The following ZNF264 variants were observed in gnomAD, a reference collection of about 807,000 sequenced individuals.
ZNF264 encodes zinc finger protein 264.
A neutral mutation model predicts 11.2 loss-of-function variants in ZNF264; 11 were observed. That is an observed-to-expected ratio of 0.98 (90% CI 0.62 to 1.63). The LOEUF is 1.63. Among genes scored for constraint, ZNF264 ranks in the 40% most tolerant of loss-of-function variants. The probability of loss-of-function intolerance (pLI) is 0.00; values close to 1 mark genes in which losing one functional copy is unlikely to be tolerated. For missense variants in ZNF264, 752 were observed against 768.1 expected (o/e 0.98, Z 0.25); for synonymous variants, 309 against 279.8 (o/e 1.10, Z -1.04).
intron 3 of ZNF264, among the ~76,000 whole-genome samples, chr19:57,209,179 C>G (rs2087315801): frequency 1.3e-5 from 2 of 152,114 alleles, no homozygotes; most frequent in South Asian, 4.2e-4. Context: ...TGTAGTCTAA[C>G]TTATGACTTT....
rs761078732 is a variant in ZNF264, at chr19:57,211,983, T to G, written c.886T>G (p.Phe296Val). 1 of 1,614,036 alleles carries G rather than the reference T, an allele frequency of 6.2e-7. No individual in the cohort carries two copies. Among genetic ancestry groups the G allele is most frequent in the Non-Finnish European group, 8.5e-7 (1 of 1,180,014 alleles). ...CAAGTGCAATGAATGCGGAAAGGCC[T>G]TCACCCACCGCTCCAATTTTGTCTT... ...PYKCNECGKA[F>V]THRSNFVLHN... is the part of the protein sequence containing the mutation. Residue 296 changes from phenylalanine (F) to valine (V), a missense_variant, in exon 4 of 4, where the codon TTC (phenylalanine) becomes GTC (valine). Physicochemically the swap from Phe to Val is conservative, Grantham distance 50. Coordinates refer to ENST00000263095, the MANE Select transcript of ZNF264 (RefSeq NM_003417.5).
Position 57,221,944 on chromosome 19 carries a change from A to G in ZNF264, c.*8963A>G, listed in dbSNP as rs1479195221. Reference sequence around the variant, plus strand: ...CAGTCTCCAACCTGCTGTTTTATACAGTGACTTAAGTGGTACTAAAATGCT... The same window carrying G: ...CAGTCTCCAACCTGCTGTTTTATACGGTGACTTAAGTGGTACTAAAATGCT... On this transcript the variant is annotated 3_prime_UTR_variant, in exon 4 of 4. Coordinates refer to ENST00000263095, the MANE Select transcript of ZNF264 (RefSeq NM_003417.5). 1 of 152,204 alleles carries G rather than the reference A, an allele frequency of 6.6e-6. No homozygotes were observed. The highest frequency in any genetic ancestry group is 2.4e-5 in the African/African-American group (1 of 41,448). 9.4% of individuals were successfully genotyped at this position (152,204 alleles called of 1,614,324 possible). A position where few individuals can be genotyped will look rare whatever the true frequency, so the allele number is the denominator to read the frequency against.
In ZNF264 at chr19:57,218,669, C is replaced by T. The variant is rs2087396966; in HGVS notation, c.*5688C>T. 6.6e-6 allele frequency: 1 copy of T among 152,054 alleles called. No homozygotes were observed. 9.4% of individuals were successfully genotyped at this position (152,054 alleles called of 1,614,324 possible). A position where few individuals can be genotyped will look rare whatever the true frequency, so the allele number is the denominator to read the frequency against. ...CTCTCATCTTTTTTCTTTTTCCAGT[C>T]TATTTTCTGTCTTGTTAATATTGAT... is the stretch of plus-strand genomic sequence containing the variant. On this transcript the variant is annotated 3_prime_UTR_variant, in exon 4 of 4. Transcript: ENST00000263095.
At position 57,205,507 on chromosome 19, in the gene ZNF264, C is replaced by G. The variant is rs200612119; in HGVS notation, c.256+15C>G. 374 of 1,597,742 alleles carry G rather than the reference C, an allele frequency of 2.3e-4. 1 individual carries two copies. In the African/African-American group the frequency reaches 4.0e-3, roughly 17 times the overall value. ...CACCTGTCCAGGTAGGAGCCAAGAT[C>G]TGGGCAGGTTGGAGTCCCTTCTGGC... On this transcript the variant is annotated intron_variant, in intron 3 of 3. Coordinates refer to ENST00000263095, the MANE Select transcript of ZNF264 (RefSeq NM_003417.5).
In ZNF264 at chr19:57,212,864, T is replaced by C. The variant is rs554438336; in HGVS notation, c.1767T>C (p.Leu589=). 5 of 1,614,162 alleles carry C rather than the reference T, an allele frequency of 3.1e-6. No homozygotes were observed. In the East Asian group the frequency reaches 1.1e-4, roughly 36 times the overall value. Reference sequence around the variant, plus strand: ...CCTCAGTTACCCTTCGAGAACTTCTTTTAGGGAAGGACTTTTTGAATGTAA... The same window carrying C: ...CCTCAGTTACCCTTCGAGAACTTCTCTTAGGGAAGGACTTTTTGAATGTAA... ...GQTSVTLREL[L]LGKDFLNVTT... The change falls in exon 4 of 4, where the codon CTT becomes CTC. Residue 589 remains leucine (L), a synonymous_variant. Transcript: ENST00000263095.
chr19:57,218,327 T>G lies in ZNF264; in HGVS notation c.*5346T>G, dbSNP rs1402442278. ...TTATTGTTTAATATAAGAAACCTAC[T>G]AGCATTCAAATAATCATTCCCTATT... On this transcript the variant is annotated 3_prime_UTR_variant, in exon 4 of 4. Coordinates refer to ENST00000263095, the MANE Select transcript of ZNF264 (RefSeq NM_003417.5). The G allele has an allele frequency of 6.6e-6, 1 of 152,206 alleles. No individual in the cohort carries two copies. Among genetic ancestry groups the G allele is most frequent in the Non-Finnish European group, 1.5e-5 (1 of 68,042 alleles). 9.4% of individuals were successfully genotyped at this position (152,206 alleles called of 1,614,324 possible). A position where few individuals can be genotyped will look rare whatever the true frequency, so the allele number is the denominator to read the frequency against.
rs1007792477 is a variant in ZNF264 at position 57,213,931 on chromosome 19, T to A, written c.*950T>A. ...TTCAGCGTATAGATCCCTATGCATTTTTGTTAGAATTTGCATCCTAGGGTG... is the reference window on the plus strand; with the variant it reads ...TTCAGCGTATAGATCCCTATGCATTATTGTTAGAATTTGCATCCTAGGGTG... On this transcript the variant is annotated 3_prime_UTR_variant, in exon 4 of 4. Transcript: ENST00000263095. The A allele has an allele frequency of 2.0e-5, 3 of 152,196 alleles. No individual in the cohort carries two copies. The highest frequency in any genetic ancestry group is 4.4e-5 in the Non-Finnish European group (3 of 68,020). The allele number at this position is 152,196 out of a possible 1,614,324, so 9.4% of individuals were successfully genotyped here.
At chr19:57,203,085 A>G (rs901691960) in intron 2 of ZNF264, among the ~76,000 whole-genome samples, 3 of 152,116 alleles carry the variant, frequency 2.0e-5, no homozygotes, top group Admixed American at 6.5e-5. Context: ...GAGAAAAAAC[A>G]TGATTAGAGA....
rs984294300 is a variant in ZNF264, at chr19:57,218,364, C to G, written c.*5383C>G. The G allele has an allele frequency of 6.6e-6, 1 of 152,146 alleles. No homozygotes were observed. The highest frequency in any genetic ancestry group is 2.4e-5 in the African/African-American group (1 of 41,420). 9.4% of individuals were successfully genotyped at this position (152,146 alleles called of 1,614,324 possible). On this transcript the variant is annotated 3_prime_UTR_variant, in exon 4 of 4. Coordinates refer to ENST00000263095, the MANE Select transcript of ZNF264 (RefSeq NM_003417.5). Reference sequence around the variant, plus strand: ...AATCATTCCCTATTTTACAATGCATCAGTTCTGTCAAGCTTCATTCAAAGT... The same window carrying G: ...AATCATTCCCTATTTTACAATGCATGAGTTCTGTCAAGCTTCATTCAAAGT...
chr19:57,204,584 C>T (rs1023549311), intron 2 of ZNF264, among the ~76,000 whole-genome samples: 5 of 152,152 alleles, frequency 3.3e-5, no homozygotes, highest in African/African-American at 9.7e-5. Context: ...ATTGTGAGGC[C>T]TCCCTAGCCA....
intron 3 of ZNF264, among the ~76,000 whole-genome samples, chr19:57,209,206 AT>A (rs574421661): frequency 1.1e-4 from 16 of 152,102 alleles, no homozygotes; most frequent in Non-Finnish European, 1.9e-4. Context: ...ATAATTAATG[AT>A]TTTTTTGTCT....
chr19:57,203,075 G>C (rs1007487599), intron 2 of ZNF264, among the ~76,000 whole-genome samples: 1 of 152,140 alleles, frequency 6.6e-6, no homozygotes, highest in African/African-American at 2.4e-5. Flanking sequence ...TGTGAGAGTA[G>C]AGAAAAAACA....
At chr19:57,194,622 A>G (rs1425314421) in intron 2 of ZNF264, 1 of 374,746 alleles carries the variant, frequency 2.7e-6, no homozygotes, top group African/African-American at 2.1e-5. Flanking sequence ...GTAGGCTGGT[A>G]GTCTAGGCCA....
chr19:57,210,268 T>C (rs1480137745), intron 3 of ZNF264, among the ~76,000 whole-genome samples: 1 of 152,164 alleles, frequency 6.6e-6, no homozygotes, highest in African/African-American at 2.4e-5. Context: ...GATTTCTTCC[T>C]ACCCAGGATT....
At position 57,192,655 on chromosome 19, in the gene ZNF264, C is replaced by A. The variant is rs573245335; in HGVS notation, c.33+709C>A. ...GGAAGCTGGTCTGGAGCCTGTCGTT[C>A]CCCAAGTAGATGCAGCCCTTCCAGT... On this transcript the variant is annotated intron_variant, in intron 1 of 3. Transcript: ENST00000263095. The A allele has an allele frequency of 1.4e-4, 114 of 798,612 alleles. No individual in the cohort carries two copies. In the East Asian group the frequency reaches 1.9e-3, roughly 13 times the overall value. The allele number at this position is 798,612 out of a possible 1,614,324, so 49.5% of individuals were successfully genotyped here.
chr19:57,205,161 A>G (rs1264377006), intron 2 of ZNF264, among the ~76,000 whole-genome samples: 1 of 140,462 alleles, frequency 7.1e-6, no homozygotes, highest in East Asian at 2.0e-4. Flanking sequence ...TTTAATATTT[A>G]AATACATCAG....
chr19:57,200,296 G>A (rs1282654965), intron 2 of ZNF264, among the ~76,000 whole-genome samples: 1 of 151,734 alleles, frequency 6.6e-6, no homozygotes, highest in Non-Finnish European at 1.5e-5. Context: ...TGATGAAGCT[G>A]GGGACACTGA....
intron 3 of ZNF264, among the ~76,000 whole-genome samples, chr19:57,208,419 C>T (rs1054415675): frequency 5.1e-4 from 77 of 151,990 alleles, no homozygotes; most frequent in Admixed American, 2.0e-4. Context: ...TGGCTCATGC[C>T]TGTGGTCCCA....
At chr19:57,206,658 A>G (rs576618062) in intron 3 of ZNF264, among the ~76,000 whole-genome samples, 24 of 152,198 alleles carry the variant, frequency 1.6e-4, no homozygotes, top group African/African-American at 5.5e-4. Flanking sequence ...TTAACCTTAA[A>G]GAGTGATGCT....
Sources: allele counts gnomAD v4.1 joint callset (sites outside exome capture counted in the v4.1 genomes callset), GRCh38; gene constraint gnomAD v4.1.1; transcripts MANE v1.5; gene names NCBI Gene and HGNC (gene_info 2026-07-23, HGNC 2026-07-21).